LRP1B: variants seen among roughly 807,000 people sequenced by gnomAD.
LRP1B encodes low-density lipoprotein receptor-related protein 1B.
In LRP1B, 217 loss-of-function variants were observed where a neutral mutation model predicts 556.6. That is an observed-to-expected ratio of 0.39 (90% CI 0.35 to 0.44). The LOEUF is 0.44. Among genes scored for constraint, LRP1B ranks in the 20% least tolerant of loss-of-function variants. The pLI, the probability that LRP1B is intolerant of heterozygous loss-of-function variation, is 1.00. For missense variants in LRP1B, 5,053 were observed against 5,620.8 expected (o/e 0.90, Z 3.23); for synonymous variants, 2,047 against 1,865.8 (o/e 1.10, Z -2.50).
chr2:141,855,007 A>T (rs1698001629), intron 1 of LRP1B, among the ~76,000 whole-genome samples: 1 of 152,100 alleles, frequency 6.6e-6, no homozygotes, highest in Admixed American at 6.6e-5. Context: ...CAGATTAAGG[A>T]TGGATTTCAG....
intron 1 of LRP1B, among the ~76,000 whole-genome samples, chr2:141,965,753 AAAT>A (rs4008437): frequency 0.34 from 47,878 of 141,480 alleles, 9,310 homozygotes; most frequent in East Asian, 0.5. Flanking sequence ...GAATTAAAAA[AAAT>A]AATAATAATA....
intron 20 of LRP1B, among the ~76,000 whole-genome samples, chr2:140,931,108 T>A (rs1695035268): frequency 6.6e-6 from 1 of 152,122 alleles, no homozygotes; most frequent in Admixed American, 6.6e-5. Context: ...CTCTTTTCTA[T>A]GTAATGTGGG....
At chr2:141,243,905 C>T (rs1683974590) in intron 5 of LRP1B, among the ~76,000 whole-genome samples, 1 of 152,148 alleles carries the variant, frequency 6.6e-6, no homozygotes, top group Non-Finnish European at 1.5e-5. Context: ...CTCCTCCCTT[C>T]AATACAATTA....
chr2:141,248,909 A>C (rs925012583), intron 4 of LRP1B, among the ~76,000 whole-genome samples: 10 of 152,184 alleles, frequency 6.6e-5, no homozygotes, highest in African/African-American at 2.4e-4. Flanking sequence ...ATGAAGAGGA[A>C]ATAGACTCAA....
intron 43 of LRP1B, among the ~76,000 whole-genome samples, chr2:140,591,171 C>T (rs1267505310): frequency 2.0e-5 from 3 of 152,178 alleles, no homozygotes; most frequent in African/African-American, 4.8e-5. Context: ...AATGATGCCT[C>T]CTGAGTTCAG....
At chr2:141,724,807 T>C (rs957332577) in intron 2 of LRP1B, among the ~76,000 whole-genome samples, 3 of 152,022 alleles carry the variant, frequency 2.0e-5, no homozygotes, top group African/African-American at 7.2e-5. Flanking sequence ...AATAATCTTA[T>C]CTGCAAAATA....
At chr2:141,121,620 A>G (rs939465887) in intron 7 of LRP1B, among the ~76,000 whole-genome samples, 3 of 152,142 alleles carry the variant, frequency 2.0e-5, no homozygotes, top group East Asian at 3.9e-4. Context: ...AAATGGAAGA[A>G]CATTCCATGC....
intron 1 of LRP1B, among the ~76,000 whole-genome samples, chr2:141,963,505 T>A (rs1182673092): frequency 6.6e-6 from 1 of 151,638 alleles, no homozygotes; most frequent in Non-Finnish European, 1.5e-5. Flanking sequence ...CATGATTATC[T>A]CAATAGATGC....
chr2:141,049,821 T>C (rs1698982877), intron 10 of LRP1B, among the ~76,000 whole-genome samples: 1 of 152,040 alleles, frequency 6.6e-6, no homozygotes, highest in Non-Finnish European at 1.5e-5. Context: ...AATTAGAATG[T>C]TAGAGGCTGA....
chr2:141,872,384 A>C (rs1349644772), intron 1 of LRP1B, among the ~76,000 whole-genome samples: 1 of 151,956 alleles, frequency 6.6e-6, no homozygotes, highest in Non-Finnish European at 1.5e-5. Flanking sequence ...AAAGTTCCCA[A>C]AGGAGGACAG....
chr2:140,785,023 G>A (rs1328256100), intron 32 of LRP1B, among the ~76,000 whole-genome samples: 3 of 152,014 alleles, frequency 2.0e-5, no homozygotes, highest in African/African-American at 7.2e-5. Context: ...GTCATGAAAT[G>A]CCAGAATAAA....
chr2:141,611,813 C>G (rs776844627), intron 2 of LRP1B, among the ~76,000 whole-genome samples: 1 of 152,134 alleles, frequency 6.6e-6, no homozygotes, highest in Non-Finnish European at 1.5e-5. Flanking sequence ...AATTAATGAC[C>G]TCGAAATGAA....
At chr2:140,618,110 CAG>C (rs199780841) in intron 41 of LRP1B, among the ~76,000 whole-genome samples, 6,407 of 151,884 alleles carry the variant, frequency 0.042, 180 homozygotes, top group Middle Eastern at 0.079. Flanking sequence ...ATTGAAAAAA[CAG>C]ATGTTAAAAG....
At chr2:141,350,581 T>A (rs1688408551) in intron 3 of LRP1B, among the ~76,000 whole-genome samples, 3 of 152,088 alleles carry the variant, frequency 2.0e-5, no homozygotes, top group Non-Finnish European at 4.4e-5. Flanking sequence ...AAAAATCATT[T>A]TGGTAAAATA....
At chr2:141,795,860 A>ATATATATATATG in intron 2 of LRP1B, among the ~76,000 whole-genome samples, 1 of 69,344 alleles carries the variant, frequency 1.4e-5, no homozygotes. Context: ...CAGGAGCAAT[A>ATATATATATATG]TATATATATA....
intron 2 of LRP1B, among the ~76,000 whole-genome samples, chr2:141,728,716 A>C (rs1693146540): frequency 6.6e-6 from 1 of 152,142 alleles, no homozygotes; most frequent in Non-Finnish European, 1.5e-5. Flanking sequence ...CCTGGTCAGC[A>C]CACTAAATTC....
chr2:140,904,469 C>T (rs1056731868), intron 22 of LRP1B, among the ~76,000 whole-genome samples: 2 of 151,866 alleles, frequency 1.3e-5, no homozygotes, highest in African/African-American at 4.8e-5. Context: ...GCAAATATTT[C>T]TGGTTGTCTA....
At chr2:141,533,994 G>T (rs368063521) in intron 2 of LRP1B, among the ~76,000 whole-genome samples, 3 of 151,990 alleles carry the variant, frequency 2.0e-5, no homozygotes, top group East Asian at 1.9e-4. Context: ...TTCAAGAGTG[G>T]TTAATGATTC....
At position 140,346,839 on chromosome 2, in the gene LRP1B, T is replaced by C. The variant is rs1020530763; in HGVS notation, c.11892+3958A>G. On this transcript the variant is annotated intron_variant, in intron 77 of 90. Transcript: ENST00000389484. ...AATAGATATTTTGCTAAAAGCTTTT[T>C]GGGAAAACAAAATGGCCTAATCAAC... Among the ~76,000 whole-genome samples, 3 of 151,846 alleles carry C rather than the reference T, an allele frequency of 2.0e-5. No individual in the cohort carries two copies. The Admixed American group carries it at 2.0e-4, about 10-fold the overall frequency.
Sources: allele counts gnomAD v4.1 joint callset (sites outside exome capture counted in the v4.1 genomes callset), GRCh38; gene constraint gnomAD v4.1.1; transcripts MANE v1.5; gene names NCBI Gene and HGNC (gene_info 2026-07-23, HGNC 2026-07-21).